The following MTUS2 variants were observed in gnomAD, a reference collection of about 807,000 sequenced individuals.
The protein encoded by MTUS2 is microtubule associated scaffold protein 2.
In MTUS2, 40 loss-of-function variants were observed where a neutral mutation model predicts 114.1. The observed-to-expected ratio is 0.35, with a 90% CI of 0.27 to 0.46. The LOEUF (loss-of-function observed/expected upper bound fraction) is 0.46. MTUS2 is among the 20% of genes least tolerant of loss of function. The pLI is 1.00. For missense variants in MTUS2, 1,679 were observed against 1,705.4 expected, an observed-to-expected ratio of 0.98 and a Z score of 0.27; for synonymous variants, 688 against 672.0, an observed-to-expected ratio of 1.02 and a Z score of -0.37.
At chr13:28,838,940 G>A (rs1474092305) in intron 1 of MTUS2, among the ~76,000 whole-genome samples, 1 of 152,014 alleles carries the variant, frequency 6.6e-6, no homozygotes, top group African/African-American at 2.4e-5. Context: ...AATGATGTAT[G>A]TTGAGCAATA....
At chr13:28,896,349 G>C (rs145765751) in intron 2 of MTUS2, among the ~76,000 whole-genome samples, 2 of 152,118 alleles carry the variant, frequency 1.3e-5, no homozygotes, top group African/African-American at 2.4e-5. Flanking sequence ...TACAAGGGAC[G>C]TGAAGGACCT....
chr13:29,318,688 A>G (rs147385335), intron 6 of MTUS2, among the ~76,000 whole-genome samples: 2 of 152,304 alleles, frequency 1.3e-5, no homozygotes, highest in African/African-American at 4.8e-5. Flanking sequence ...AATAAAATAC[A>G]CAATGGTGCT....
chr13:29,254,044 T>A, intron 5 of MTUS2, among the ~76,000 whole-genome samples: 2 of 151,916 alleles, frequency 1.3e-5, no homozygotes, highest in Non-Finnish European at 2.9e-5. Context: ...AGTAAATAAG[T>A]AAACATAATA....
intron 2 of MTUS2, among the ~76,000 whole-genome samples, chr13:29,005,239 T>C (rs370514631): frequency 6.6e-6 from 1 of 152,218 alleles, no homozygotes; most frequent in Non-Finnish European, 1.5e-5. Flanking sequence ...GCCACCAGCA[T>C]TATGGTCGAG....
chr13:29,061,877 G>T (rs1384627397), intron 4 of MTUS2, among the ~76,000 whole-genome samples: 3 of 151,664 alleles, frequency 2.0e-5, no homozygotes, highest in East Asian at 3.9e-4. Flanking sequence ...TTCATCAAAG[G>T]TTATTAGCAT....
intron 2 of MTUS2, among the ~76,000 whole-genome samples, chr13:28,939,752 T>G (rs563050647): frequency 1.0e-3 from 153 of 151,878 alleles, no homozygotes; most frequent in African/African-American, 3.5e-3. Flanking sequence ...AAAAAAAAAC[T>G]AAGAGAACGT....
At chr13:29,437,432 C>T (rs1877493348) in intron 8 of MTUS2, among the ~76,000 whole-genome samples, 1 of 152,190 alleles carries the variant, frequency 6.6e-6, no homozygotes, top group African/African-American at 2.4e-5. Flanking sequence ...AAGATTATTT[C>T]AGGGTCAGTA....
chr13:29,067,553 A>G (rs114773271), intron 4 of MTUS2, among the ~76,000 whole-genome samples: 1,600 of 152,290 alleles, frequency 0.011, 26 homozygotes, highest in African/African-American at 0.037. Context: ...CATATTAATT[A>G]GTAGGTTGAG....
chr13:29,328,879 A>G (rs559606921), intron 7 of MTUS2, among the ~76,000 whole-genome samples: 59 of 152,296 alleles, frequency 3.9e-4, no homozygotes, highest in African/African-American at 1.4e-3. Flanking sequence ...AGCATCTGCT[A>G]TCTGTCATGT....
At chr13:29,335,884 C>T (rs867509924) in intron 7 of MTUS2, among the ~76,000 whole-genome samples, 5 of 152,200 alleles carry the variant, frequency 3.3e-5, no homozygotes, top group Non-Finnish European at 7.4e-5. Context: ...TTGTTCATTC[C>T]TTTTCATTCT....
intron 2 of MTUS2, among the ~76,000 whole-genome samples, chr13:28,922,735 C>A (rs1194057680): frequency 6.6e-6 from 1 of 152,214 alleles, no homozygotes; most frequent in East Asian, 1.9e-4. Flanking sequence ...TCAAGACTGT[C>A]TTTCCTACCC....
chr13:29,468,616 C>G (rs1199597067), intron 9 of MTUS2, among the ~76,000 whole-genome samples: 1 of 149,348 alleles, frequency 6.7e-6, no homozygotes, highest in Non-Finnish European at 1.5e-5. Flanking sequence ...ACACACATTA[C>G]TGAGATTTGA....
chr13:29,145,823 C>A (rs1163391341), intron 5 of MTUS2, among the ~76,000 whole-genome samples: 1 of 152,144 alleles, frequency 6.6e-6, no homozygotes, highest in Non-Finnish European at 1.5e-5. Flanking sequence ...AGTAGAACTG[C>A]ATAATTACAA....
At chr13:29,471,305 T>A (rs140652490) in intron 9 of MTUS2, among the ~76,000 whole-genome samples, 6 of 152,008 alleles carry the variant, frequency 3.9e-5, no homozygotes. Flanking sequence ...ATCACATCAC[T>A]GCACTCCAGC....
chr13:29,395,982 A>C lies in MTUS2; in HGVS notation c.3117+36509A>C, dbSNP rs554769336. 7.2e-5 allele frequency among the ~76,000 whole-genome samples: 11 copies of C among 152,324 alleles called. No homozygotes were observed. The South Asian group carries it at 2.1e-3, about 29-fold the overall frequency. On this transcript the variant is annotated intron_variant, in intron 8 of 15. Transcript: ENST00000612955. ...ACACTGAGCAAGTACTCCTCTACAG[A>C]AACAATTTTGGGCTTCATGAAACAA...
At chr13:29,123,970 C>T (rs1891415655) in intron 5 of MTUS2, among the ~76,000 whole-genome samples, 1 of 152,194 alleles carries the variant, frequency 6.6e-6, no homozygotes, top group African/African-American at 2.4e-5. Flanking sequence ...CTTAGGTCAA[C>T]ACACCATTGC....
chr13:29,184,272 C>G (rs1243876062), intron 5 of MTUS2, among the ~76,000 whole-genome samples: 2 of 152,112 alleles, frequency 1.3e-5, no homozygotes, highest in Admixed American at 1.3e-4. Flanking sequence ...CATTACTGTT[C>G]CCCACCCCCT....
At chr13:29,109,069 CTCTG>C (rs1890781664) in intron 5 of MTUS2, among the ~76,000 whole-genome samples, 1 of 152,104 alleles carries the variant, frequency 6.6e-6, no homozygotes, top group South Asian at 2.1e-4. Context: ...CCCACCTTCT[CTCTG>C]TATTAGTTTT....
Position 28,899,596 on chromosome 13 carries a change from GA to G in MTUS2, c.-243+59747del, listed in dbSNP as rs1002905330. ...GGCTAATTTTTTTGAATTTTTAGTA[GA>G]GACGGGGTTTCACCCTGTTAGCCAG... On this transcript the variant is annotated intron_variant, in intron 2 of 15. Coordinates refer to ENST00000612955, the MANE Select transcript of MTUS2 (RefSeq NM_001033602.4). Among the ~76,000 whole-genome samples, 6 of 152,130 alleles carry G rather than the reference GA, an allele frequency of 3.9e-5. 1 individual carries two copies. In the Middle Eastern group the frequency reaches 0.01, roughly 259 times the overall value.
Sources: gnomAD v4.1 joint callset for allele counts (sites outside exome capture counted in the v4.1 genomes callset) on GRCh38, gnomAD v4.1.1 for gene constraint, MANE v1.5 for transcripts, NCBI Gene and HGNC (gene_info 2026-07-23, HGNC 2026-07-21) for gene names.